The following CDH16 variants were observed in gnomAD, a reference collection of about 807,000 sequenced individuals.
CDH16 encodes the protein cadherin-16.
CDH16 carries 79 observed loss-of-function variants against 87.6 expected under a neutral mutation model. That is an observed-to-expected ratio of 0.90 (90% CI 0.75 to 1.09). The LOEUF is 1.09. CDH16 is among the 50% of genes least tolerant of loss of function. The probability of loss-of-function intolerance (pLI) is 0.00; values close to 1 mark genes in which losing one functional copy is unlikely to be tolerated. For synonymous variants in CDH16, 457 were observed against 439.5 expected, an observed-to-expected ratio of 1.04 and a Z score of -0.50; for missense variants, 1,124 against 1,071.7, an observed-to-expected ratio of 1.05 and a Z score of -0.68.
chr16:66,913,156 G>C lies in CDH16; in HGVS notation c.1029C>G (p.Val343=). ...VPICPPRDPT[V]SIPELSPPGT... ...CTGGTGGACTGAGCTCAGGGATGCT[G>C]ACTGTGGGGTCACGGGGAGGGCAGA... Residue 343 remains valine, a synonymous_variant, in exon 9 of 18, where the codon GTC becomes GTG. Transcript: ENST00000299752. 6.2e-7 allele frequency: 1 copy of C among 1,610,114 alleles called. No homozygotes were observed. The highest frequency in any genetic ancestry group is 8.5e-7 in the Non-Finnish European group (1 of 1,178,240).
chr16:66,918,531 T>C (rs1284327237), intron 1 of CDH16, among the ~76,000 whole-genome samples: 1 of 151,798 alleles, frequency 6.6e-6, no homozygotes, highest in African/African-American at 2.4e-5. Flanking sequence ...ACAGGAGGAG[T>C]CCTCCTAGCT....
chr16:66,917,608 T>TA (rs1208918314), intron 3 of CDH16, 34 bp downstream of exon 3: 1 of 1,500,016 alleles, frequency 6.7e-7, no homozygotes, highest in Non-Finnish European at 9.3e-7. Context: ...CGGGGAGGGA[T>TA]CCCCCCGGCC....
chr16:66,918,466 G>A (rs903938089), intron 1 of CDH16, among the ~76,000 whole-genome samples: 10 of 152,246 alleles, frequency 6.6e-5, no homozygotes, highest in African/African-American at 2.4e-4. Context: ...GTCACCTCTT[G>A]TTGCAGGCAA....
At chr16:66,912,483 T>G in intron 11 of CDH16, 21 bp downstream of exon 11, 1 of 1,614,152 alleles carries the variant, frequency 6.2e-7, no homozygotes, top group Non-Finnish European at 8.5e-7. Flanking sequence ...TCCCAAGGCC[T>G]TCTCCCCTGC....
rs1567529399 is a variant in CDH16 at position 66,909,263 on chromosome 16, T to C, written c.2392+4A>G. The C allele has an allele frequency of 1.9e-6, 3 of 1,586,646 alleles. No homozygotes were observed. The highest frequency in any genetic ancestry group is 1.1e-5 in the South Asian group (1 of 90,550). On this transcript the variant is annotated splice_donor_region_variant and intron_variant, in intron 17 of 17. Coordinates refer to ENST00000299752, the MANE Select transcript of CDH16 (RefSeq NM_004062.4). This position sits in a 1 kb window ranked among gnomAD's most constrained non-coding sequence, Gnocchi z 4.1. The stretch of plus-strand genomic sequence containing the variant: ...CCACGCAGGTAATGTCCAACCTCCA[T>C]TACCTATTGCTACCAGGGTGCCTAC...
rs747931757 is a variant in CDH16, at chr16:66,909,352, C to T, written c.2307G>A (p.Gln769=). The T allele has an allele frequency of 3.1e-6, 5 of 1,590,582 alleles. No homozygotes were observed. The South Asian group carries it at 4.4e-5, about 14-fold the overall frequency. ...VIVCRCNVEG[Q]CMRKVGRMKG... ...TCATGCGGCCCACCTTGCGCATGCACTGCCCCTCCACGTTGCAGCGACACA... is the reference window on the plus strand; with the variant it reads ...TCATGCGGCCCACCTTGCGCATGCATTGCCCCTCCACGTTGCAGCGACACA... Residue 769 remains glutamine (Q), a synonymous_variant, in exon 17 of 18, where the codon CAG becomes CAA. Transcript: ENST00000299752. The surrounding 1 kb of genome is among the most constrained non-coding windows in gnomAD (Gnocchi z 4.1).
chr16:66,914,230 G>A lies in CDH16; in HGVS notation c.766C>T (p.His256Tyr), dbSNP rs1423550255. 1.2e-6 allele frequency: 2 copies of A among 1,613,570 alleles called. No individual in the cohort carries two copies. Among genetic ancestry groups the A allele is most frequent in the Non-Finnish European group, 8.5e-7 (1 of 1,179,488 alleles). The part of the protein sequence containing the change: ...LAENLKVLYP[H>Y]HMAQVHWSGG... ...CACTTACTCACCTGGGCCATGTGGTGCGGGTATAGGACTTTGAGATTCTCT... is the reference window on the plus strand; with the variant it reads ...CACTTACTCACCTGGGCCATGTGGTACGGGTATAGGACTTTGAGATTCTCT... The change falls in exon 7 of 18, where the codon CAC (histidine) becomes TAC (tyrosine). Residue 256 changes from histidine to tyrosine, a missense_variant. Physicochemically the swap from His to Tyr is moderately conservative, Grantham distance 83 (BLOSUM62 2). Coordinates refer to ENST00000299752, the MANE Select transcript of CDH16 (RefSeq NM_004062.4).
intron 2 of CDH16, 65 bp downstream of exon 2, chr16:66,917,956 T>A (rs1962760719): frequency 7.2e-7 from 1 of 1,382,590 alleles, no homozygotes; most frequent in Admixed American, 2.1e-5. Context: ...CCAGGTGGAG[T>A]TGGGGGCAAG....
rs1406711951 is a variant in CDH16 at position 66,910,786 on chromosome 16, G to A, written c.1925-284C>T. ...CAGGGCCAGCTCTCTGTCCTGAGCA[G>A]TGTTCAGTGTCCTCCACACCTGGCT... On this transcript the variant is annotated intron_variant, in intron 14 of 17. Transcript: ENST00000299752. 4 of 390,550 alleles carry A rather than the reference G, an allele frequency of 1.0e-5. No homozygotes were observed. In the South Asian group the frequency reaches 2.1e-4, roughly 20 times the overall value. The allele number at this position is 390,550 out of a possible 1,614,324, so 24.2% of individuals were successfully genotyped here.
chr16:66,918,136 C>T (rs1962771089), intron 1 of CDH16, 58 bp from the exon 2 acceptor site: 2 of 1,232,524 alleles, frequency 1.6e-6, no homozygotes, highest in African/African-American at 1.5e-5. Context: ...CTTTCCATCC[C>T]ACACACACAA....
Position 66,908,328 on chromosome 16 carries a change from C to T in CDH16, c.*64G>A. 7.5e-7 allele frequency: 1 copy of T among 1,339,228 alleles called. No individual in the cohort carries two copies. Among genetic ancestry groups the T allele is most frequent in the Non-Finnish European group, 1.1e-6 (1 of 935,790 alleles). The allele number at this position is 1,339,228 out of a possible 1,614,324, so 83.0% of individuals were successfully genotyped here. ...CCCCTGCTGGATCTTGGGTGCTGGG[C>T]TCTCTCCCAGGGGACTCAGATGGAG... On this transcript the variant is annotated 3_prime_UTR_variant, in exon 18 of 18. Transcript: ENST00000299752.
Position 66,914,305 on chromosome 16 carries a change from C to T in CDH16, c.691G>A (p.Val231Ile), listed in dbSNP as rs778558077. ...ACCCAGGTGCTCTCTATGATGGAGA[C>T]TTCCACGGTGGCAGTGGCCTGGTGG... ...SGHQATATVE[V>I]SIIESTWVSL... Residue 231 changes from valine (V) to isoleucine (I), a missense_variant, in exon 7 of 18, where the codon GTC becomes ATC. Physicochemically the swap from Val to Ile is conservative, Grantham distance 29 (BLOSUM62 3). Transcript: ENST00000299752. 1 of 1,614,228 alleles carries T rather than the reference C, an allele frequency of 6.2e-7. No homozygotes were observed. Among genetic ancestry groups the T allele is most frequent in the South Asian group, 1.1e-5 (1 of 91,082 alleles).
At chr16:66,913,381 G>T in intron 8 of CDH16, 100 bp from the exon 9 acceptor site, 1 of 1,567,060 alleles carries the variant, frequency 6.4e-7, no homozygotes. Flanking sequence ...AGCTCTTCGG[G>T]GCTCTTTCCC....
chr16:66,908,528 G>A, intron 17 of CDH16, 39 bp from the exon 18 acceptor site: 1 of 1,507,136 alleles, frequency 6.6e-7, no homozygotes, highest in Non-Finnish European at 9.2e-7. Flanking sequence ...CCTCAGAAGG[G>A]GCTGTGGGAC....
chr16:66,912,492 G>T lies in CDH16; in HGVS notation c.1359+12C>A. The stretch of plus-strand genomic sequence containing the variant: ...CATCCTTCCCAAGGCCTTCTCCCCT[G>T]CGTCTGCTTACCTGGGAAGTGATGA... On this transcript the variant is annotated intron_variant, in intron 11 of 17. Coordinates refer to ENST00000299752, the MANE Select transcript of CDH16 (RefSeq NM_004062.4). 6.2e-7 allele frequency: 1 copy of T among 1,614,156 alleles called. No homozygotes were observed. Among genetic ancestry groups the T allele is most frequent in the South Asian group, 1.1e-5 (1 of 91,082 alleles).
chr16:66,913,329 A>G (rs1188210991), intron 8 of CDH16, 48 bp from the exon 9 acceptor site: 2 of 1,549,248 alleles, frequency 1.3e-6, no homozygotes, highest in Admixed American at 3.8e-5. Flanking sequence ...GGGCAGCTCC[A>G]GCCTTGCCTG....
chr16:66,911,363 G>T, intron 13 of CDH16, 48 bp from the exon 14 acceptor site: 2 of 1,590,770 alleles, frequency 1.3e-6, no homozygotes, highest in Non-Finnish European at 1.7e-6. Flanking sequence ...TACATATAGG[G>T]TTTTGCTCAG....
At chr16:66,911,443 C>A in intron 13 of CDH16, 128 bp from the exon 14 acceptor site, 1 of 920,820 alleles carries the variant, frequency 1.1e-6, no homozygotes, top group Non-Finnish European at 1.6e-6. Context: ...ACAGCAAAGC[C>A]TGGGGGGCCC....
chr16:66,916,195 C>T lies in CDH16; in HGVS notation c.294G>A (p.Leu98=). ...ACAAGACATGTCCATCCTGCATCTC[C>T]AGGGTGACCTGGCAGGGAAGGGGAG... is the stretch of plus-strand genomic sequence containing the variant. ...EQAEYQLQVT[L]EMQDGHVLWG... The change falls in exon 5 of 18, where the codon CTG becomes CTA. Residue 98 remains leucine, a synonymous_variant. Transcript: ENST00000299752. The surrounding 1 kb of genome is among the most constrained non-coding windows in gnomAD (Gnocchi z 4.1). 6.2e-7 allele frequency: 1 copy of T among 1,614,256 alleles called. No individual in the cohort carries two copies. Among genetic ancestry groups the T allele is most frequent in the South Asian group, 1.1e-5 (1 of 91,090 alleles).
Sources: gnomAD v4.1 joint callset for allele counts (sites outside exome capture counted in the v4.1 genomes callset) on GRCh38, gnomAD v4.1.1 for gene constraint, Gnocchi (gnomAD v3.1) non-coding constraint, MANE v1.5 for transcripts, NCBI Gene and HGNC (gene_info 2026-07-23, HGNC 2026-07-21) for gene names.